Variants in BANK1 observed in about 807,000 individuals in gnomAD.
The protein encoded by BANK1 is B-cell scaffold protein with ankyrin repeats.
BANK1 carries 95 observed loss-of-function variants against 94.5 expected under a neutral mutation model. The observed-to-expected ratio is 1.00, with a 90% CI of 0.85 to 1.19. BANK1 has a LOEUF of 1.19. BANK1 is among the 50% of genes most tolerant of loss of function. BANK1 has a pLI of 0.00. For missense variants in BANK1, 987 were observed against 932.2 expected, an observed-to-expected ratio of 1.06 and a Z score of -0.77; for synonymous variants, 334 against 308.4, an observed-to-expected ratio of 1.08 and a Z score of -0.87.
chr4:101,797,165 T>C (rs1048415165), intron 1 of BANK1, among the ~76,000 whole-genome samples: 2 of 152,158 alleles, frequency 1.3e-5, no homozygotes, highest in Non-Finnish European at 2.9e-5. Flanking sequence ...ATTCAATGTG[T>C]TCTTGCTAAA....
chr4:101,980,749 A>G (rs1214930469), intron 7 of BANK1, among the ~76,000 whole-genome samples: 2 of 151,856 alleles, frequency 1.3e-5, no homozygotes, highest in Non-Finnish European at 2.9e-5. Context: ...ATCTTCTTTC[A>G]TGTTTGCAAA....
At chr4:101,817,291 AT>A (rs1156970016) in intron 1 of BANK1, among the ~76,000 whole-genome samples, 1 of 152,220 alleles carries the variant, frequency 6.6e-6, no homozygotes, top group African/African-American at 2.4e-5. Flanking sequence ...ATGCCCATCA[AT>A]GATAGACTGG....
intron 6 of BANK1, among the ~76,000 whole-genome samples, chr4:101,910,842 C>T (rs1722640910): frequency 6.6e-6 from 1 of 151,906 alleles, no homozygotes; most frequent in East Asian, 1.9e-4. Context: ...ATAGTAGGTA[C>T]TCTTCTAGAT....
intron 4 of BANK1, among the ~76,000 whole-genome samples, chr4:101,870,225 T>A (rs908191216): frequency 1.3e-5 from 2 of 152,028 alleles, no homozygotes; most frequent in Non-Finnish European, 2.9e-5. Context: ...AGAAAAGTTA[T>A]ACTAGTAAGT....
At chr4:102,003,318 A>G (rs1358377153) in intron 7 of BANK1, among the ~76,000 whole-genome samples, 1 of 152,208 alleles carries the variant, frequency 6.6e-6, no homozygotes, top group Non-Finnish European at 1.5e-5. Context: ...ATGCAATTTG[A>G]GCAGGATTTA....
At chr4:102,018,899 A>G (rs1271452630) in intron 7 of BANK1, among the ~76,000 whole-genome samples, 1 of 150,532 alleles carries the variant, frequency 6.6e-6, no homozygotes, top group African/African-American at 2.5e-5. Flanking sequence ...GCTCACTGCA[A>G]CCTCTGCCTC....
In BANK1 at chr4:101,895,427, T is replaced by C. The variant is rs752663695; in HGVS notation, c.1009+17T>C. The stretch of plus-strand genomic sequence containing the variant: ...AAAACAAATGTGAGTATTTTCCAGC[T>C]GCATCAATTATTCTTTTTATCACAT... On this transcript the variant is annotated intron_variant, in intron 6 of 16. Coordinates refer to ENST00000322953, the MANE Select transcript of BANK1 (RefSeq NM_017935.5). 2 of 1,403,612 alleles carry C rather than the reference T, an allele frequency of 1.4e-6. No individual in the cohort carries two copies. Among genetic ancestry groups the C allele is most frequent in the Non-Finnish European group, 2.0e-6 (2 of 998,506 alleles). 86.9% of individuals were successfully genotyped at this position (1,403,612 alleles called of 1,614,324 possible). A position where few individuals can be genotyped will look rare whatever the true frequency, so the allele number is the denominator to read the frequency against.
chr4:101,892,750 T>C (rs1046256560), intron 5 of BANK1, among the ~76,000 whole-genome samples: 3 of 151,970 alleles, frequency 2.0e-5, no homozygotes, highest in African/African-American at 7.2e-5. Flanking sequence ...CTTCATCAAA[T>C]GTTCTTTGGG....
rs150228862 is a variant in BANK1 at position 102,027,913 on chromosome 4, C to T, written c.1595-2047C>T. Reference sequence around the variant, plus strand: ...GTCAGTTGCTTCTATTAACAGGTCTCCTAGGCTATTAGGATTTTTCTCTTT... The same window carrying T: ...GTCAGTTGCTTCTATTAACAGGTCTTCTAGGCTATTAGGATTTTTCTCTTT... On this transcript the variant is annotated intron_variant, in intron 9 of 16. Coordinates refer to ENST00000322953, the MANE Select transcript of BANK1 (RefSeq NM_017935.5). Among the ~76,000 whole-genome samples, 804 of 152,222 alleles carry T rather than the reference C, an allele frequency of 5.3e-3. 7 individuals carry two copies. Among genetic ancestry groups the T allele is most frequent in the Admixed American group, 9.1e-3 (139 of 15,286 alleles).
In BANK1 at chr4:102,060,235, C is replaced by G. The variant is rs1177109619; in HGVS notation, c.1994C>G (p.Ala665Gly). The G allele has an allele frequency of 6.3e-7, 1 of 1,587,100 alleles. No individual in the cohort carries two copies. Among genetic ancestry groups the G allele is most frequent in the East Asian group, 2.3e-5 (1 of 43,822 alleles). ...GACAGAGCTCGGATAGAGAGTCCAG[C>G]CTTTTCTACTCTCAGGGGCTGTCTA... ...KQDRARIESP[A>G]FSTLRGCLTD... The change falls in exon 12 of 17, where the codon GCC (alanine) becomes GGC (glycine). Residue 665 changes from alanine to glycine, a missense_variant. Coordinates refer to ENST00000322953, the MANE Select transcript of BANK1 (RefSeq NM_017935.5).
rs74480899 is a variant in BANK1, at chr4:101,795,710, C to A, written c.70+4760C>A. ...CTGGTTTCAATTAATGGGATAATTT[C>A]TTTAATTCTCTCATGATTTCTCAGT... On this transcript the variant is annotated intron_variant, in intron 1 of 16. Coordinates refer to ENST00000322953, the MANE Select transcript of BANK1 (RefSeq NM_017935.5). Among the ~76,000 whole-genome samples, 789 of 152,250 alleles carry A rather than the reference C, an allele frequency of 5.2e-3. 13 individuals are homozygous for A. In the East Asian group the frequency reaches 0.06, roughly 12 times the overall value.
intron 6 of BANK1, among the ~76,000 whole-genome samples, chr4:101,902,557 GT>G (rs1276314483): frequency 6.6e-6 from 1 of 152,130 alleles, no homozygotes; most frequent in African/African-American, 2.4e-5. Context: ...TTTGACTGAT[GT>G]TTATTCCCTT....
chr4:101,989,288 CAAAA>C (rs1466805520), intron 7 of BANK1, among the ~76,000 whole-genome samples: 21 of 151,620 alleles, frequency 1.4e-4, no homozygotes, highest in Admixed American at 1.2e-3. Context: ...ATTAAAAATA[CAAAA>C]ATGTGGTGAG....
At chr4:102,007,150 A>ATATATATAAAAAATATATTT (rs1726330661) in intron 7 of BANK1, among the ~76,000 whole-genome samples, 4 of 22,540 alleles carry the variant, frequency 1.8e-4, no homozygotes, top group Admixed American at 5.5e-4. Context: ...TATATTTTAT[A>ATATATATAAAAAATATATTT]TATATATATA....
intron 3 of BANK1, 113 bp from the exon 4 acceptor site, chr4:101,862,413 A>G (rs1172950319): frequency 4.0e-6 from 3 of 747,688 alleles, no homozygotes; most frequent in Non-Finnish European, 5.9e-6. Context: ...CAAACACCAT[A>G]GAAGACTTAT....
chr4:101,882,619 G>A (rs1728719534), intron 5 of BANK1, among the ~76,000 whole-genome samples: 3 of 152,196 alleles, frequency 2.0e-5, no homozygotes, highest in African/African-American at 7.2e-5. Flanking sequence ...GCAAGAGTTA[G>A]ATTCTTTTAC....
At chr4:101,997,873 T>C (rs79996319) in intron 7 of BANK1, among the ~76,000 whole-genome samples, 121 of 152,324 alleles carry the variant, frequency 7.9e-4, no homozygotes, top group African/African-American at 2.8e-3. Context: ...AACCAGCTCC[T>C]GGATTCATTG....
intron 6 of BANK1, among the ~76,000 whole-genome samples, chr4:101,901,080 C>T (rs1343368168): frequency 6.6e-6 from 1 of 152,188 alleles, no homozygotes; most frequent in African/African-American, 2.4e-5. Context: ...CACAAAATAA[C>T]TTGTGATATA....
At chr4:101,879,803 T>C (rs894903578) in intron 5 of BANK1, among the ~76,000 whole-genome samples, 2 of 152,042 alleles carry the variant, frequency 1.3e-5, no homozygotes, top group Non-Finnish European at 2.9e-5. Context: ...AATAAACCAA[T>C]GTGATATATC....
Sources: gnomAD v4.1 joint callset for allele counts (sites outside exome capture counted in the v4.1 genomes callset) on GRCh38, gnomAD v4.1.1 for gene constraint, MANE v1.5 for transcripts, NCBI Gene and HGNC (gene_info 2026-07-23, HGNC 2026-07-21) for gene names.